Variants in PMM2 observed in about 807,000 individuals in gnomAD.
The protein encoded by PMM2 is phosphomannomutase 2.
A neutral mutation model predicts 33.2 loss-of-function variants in PMM2; 35 were observed. The ratio of observed to expected loss-of-function variants is 1.06; its 90% CI spans 0.81 to 1.40. The LOEUF (loss-of-function observed/expected upper bound fraction) is 1.40. Among genes scored for constraint, PMM2 ranks in the 40% most tolerant of loss-of-function variants. PMM2 has a pLI of 0.00. For synonymous variants in PMM2, 153 were observed against 114.7 expected (o/e 1.33, Z -2.13); for missense variants, 386 against 306.0 (o/e 1.26, Z -1.95).
chr16:8,836,987 G>A (rs2060852750), intron 7 of PMM2, among the ~76,000 whole-genome samples: 1 of 152,076 alleles, frequency 6.6e-6, no homozygotes. Context: ...GGTGTGAGGA[G>A]GGGAGGTGAT....
At position 8,848,124 on chromosome 16, in the gene PMM2, G is replaced by C; in HGVS notation, c.*299G>C. 2 of 390,462 alleles carry C rather than the reference G, an allele frequency of 5.1e-6. No homozygotes were observed. The highest frequency in any genetic ancestry group is 5.5e-5 in the East Asian group (1 of 18,268). The allele number at this position is 390,462 out of a possible 1,614,324, so 24.2% of individuals were successfully genotyped here. The stretch of plus-strand genomic sequence containing the variant: ...TACGTGCAATCATGTAGTTTTGGCG[G>C]AAATTTCCCCATCATTCTAGGATGA... On this transcript the variant is annotated 3_prime_UTR_variant, in exon 8 of 8. Transcript: ENST00000268261.
chr16:8,849,080 C>G lies in PMM2; in HGVS notation c.*1255C>G, dbSNP rs1407960799. 1.3e-5 allele frequency: 2 copies of G among 152,300 alleles called. No individual in the cohort carries two copies. Among genetic ancestry groups the G allele is most frequent in the African/African-American group, 4.8e-5 (2 of 41,450 alleles). The allele number at this position is 152,300 out of a possible 1,614,324, so 9.4% of individuals were successfully genotyped here. On this transcript the variant is annotated 3_prime_UTR_variant, in exon 8 of 8. Coordinates refer to ENST00000268261, the MANE Select transcript of PMM2 (RefSeq NM_000303.3). ...GAGTCTGGGGCCAGGGGAGCCCAGGCTGCCCTGCACTCCTGCCTCCCAGCC... is the reference window on the plus strand; with the variant it reads ...GAGTCTGGGGCCAGGGGAGCCCAGGGTGCCCTGCACTCCTGCCTCCCAGCC...
Position 8,811,675 on chromosome 16 carries a change from GGAAA to G in PMM2, c.488_491del (p.Lys163SerfsTer11), listed in dbSNP as rs2060678732. The G allele has an allele frequency of 6.2e-7, 1 of 1,613,334 alleles. No homozygotes were observed. The highest frequency in any genetic ancestry group is 2.2e-5 in the East Asian group (1 of 44,872). Reference sequence around the variant, plus strand: ...AGACAAAAGTTTGTAGCAGATCTACGGAAAGAGTTTGCTGGAAAAGGCCTCACGT... The same window carrying G: ...AGACAAAAGTTTGTAGCAGATCTACGGAGTTTGCTGGAAAAGGCCTCACGT... On this transcript the variant is annotated frameshift_variant, in exon 6 of 8. Coordinates refer to ENST00000268261, the MANE Select transcript of PMM2 (RefSeq NM_000303.3). LOFTEE classifies it high-confidence loss of function.
At chr16:8,836,483 C>CCTGGGGGAGGAGGTT (rs943286644) in intron 7 of PMM2, among the ~76,000 whole-genome samples, 9 of 152,114 alleles carry the variant, frequency 5.9e-5, no homozygotes, top group Non-Finnish European at 1.2e-4. Flanking sequence ...GTAGCAAGCT[C>CCTGGGGGAGGAGGTT]CTGGGGGAGG....
intron 7 of PMM2, among the ~76,000 whole-genome samples, chr16:8,838,957 A>G (rs1015396744): frequency 1.3e-5 from 2 of 151,960 alleles, no homozygotes; most frequent in Middle Eastern, 3.4e-3. Context: ...TTGGAGGACA[A>G]CTGCAGCTAA....
rs144832117 is a variant in PMM2 at position 8,838,598 on chromosome 16, G to A, written c.640-9126G>A. Among the ~76,000 whole-genome samples, 443 of 152,040 alleles carry A rather than the reference G, an allele frequency of 2.9e-3. 5 individuals are homozygous for A. The highest frequency in any genetic ancestry group is 0.01 in the African/African-American group (415 of 41,496). ...GTCTTGTGGTAAGGGGTGATATTGT[G>A]GGGATGTTAGAAGAAACATTTGTTG... On this transcript the variant is annotated intron_variant, in intron 7 of 7. Coordinates refer to ENST00000268261, the MANE Select transcript of PMM2 (RefSeq NM_000303.3).
chr16:8,800,063 G>C (rs547647270), intron 1 of PMM2, among the ~76,000 whole-genome samples: 7 of 152,166 alleles, frequency 4.6e-5, no homozygotes, highest in African/African-American at 1.7e-4. Context: ...TAAATTTCTA[G>C]TAAAAAGATA....
rs748427371 is a variant in PMM2 at position 8,812,975 on chromosome 16, C to T, written c.524-16C>T. The T allele has an allele frequency of 1.1e-5, 16 of 1,469,200 alleles. No individual in the cohort carries two copies. Among genetic ancestry groups the T allele is most frequent in the Middle Eastern group, 3.4e-4 (2 of 5,862 alleles). The allele number at this position is 1,469,200 out of a possible 1,614,324, so 91.0% of individuals were successfully genotyped here. Reference sequence around the variant, plus strand: ...TTTCACCTTTTGCCTTTGTGTGCCCCGTCCCCACCCGGCAGGAGGCCAGAT... The same window carrying T: ...TTTCACCTTTTGCCTTTGTGTGCCCTGTCCCCACCCGGCAGGAGGCCAGAT... On this transcript the variant is annotated splice_polypyrimidine_tract_variant and intron_variant, in intron 6 of 7. Coordinates refer to ENST00000268261, the MANE Select transcript of PMM2 (RefSeq NM_000303.3).
At chr16:8,800,545 G>A (rs1159940019) in intron 1 of PMM2, among the ~76,000 whole-genome samples, 6 of 151,852 alleles carry the variant, frequency 4.0e-5, no homozygotes, top group Admixed American at 3.9e-4. Flanking sequence ...ATACCACTAA[G>A]ACCACTCTTT....
chr16:8,828,329 A>C (rs2060790318), intron 7 of PMM2, among the ~76,000 whole-genome samples: 1 of 152,126 alleles, frequency 6.6e-6, no homozygotes, highest in African/African-American at 2.4e-5. Flanking sequence ...AGAATCAATA[A>C]ATGGCACACA....
intron 4 of PMM2, 171 bp downstream of exon 4, chr16:8,806,578 C>T (rs553670079): frequency 7.8e-6 from 5 of 643,522 alleles, no homozygotes; most frequent in South Asian, 7.0e-5. Flanking sequence ...AGCCTGAGAG[C>T]CGAGCTTGGA....
At chr16:8,824,459 T>C (rs1184780220) in intron 7 of PMM2, among the ~76,000 whole-genome samples, 1 of 152,242 alleles carries the variant, frequency 6.6e-6, no homozygotes, top group African/African-American at 2.4e-5. Flanking sequence ...ACAGAACAGT[T>C]ATAATTATTA....
intron 7 of PMM2, chr16:8,832,056 A>G: frequency 3.8e-6 from 3 of 785,434 alleles, no homozygotes; most frequent in Non-Finnish European, 4.6e-6. Flanking sequence ...CTCTAGCCTT[A>G]TTATTCTAGA....
chr16:8,798,020 A>G, intron 1 of PMM2, 72 bp downstream of exon 1: 1 of 1,469,202 alleles, frequency 6.8e-7, no homozygotes, highest in Non-Finnish European at 9.3e-7. Flanking sequence ...GCTATCGACC[A>G]CCCAGGGTAG....
At chr16:8,845,827 C>T (rs1329005228) in intron 7 of PMM2, among the ~76,000 whole-genome samples, 1 of 146,634 alleles carries the variant, frequency 6.8e-6, no homozygotes, top group South Asian at 2.1e-4. Context: ...AGAAGAATTA[C>T]TGGAACTAGC....
At chr16:8,836,456 C>T (rs188062980) in intron 7 of PMM2, among the ~76,000 whole-genome samples, 2 of 152,116 alleles carry the variant, frequency 1.3e-5, no homozygotes, top group East Asian at 1.9e-4. Flanking sequence ...GGCCCAGTGG[C>T]CAGATTTCCA....
rs35928064 is a variant in PMM2 at position 8,825,756 on chromosome 16, A to ATTT, written c.639+12665_639+12667dup. Among the ~76,000 whole-genome samples, 262 of 134,198 alleles carry ATTT rather than the reference A, an allele frequency of 2.0e-3. 4 individuals are homozygous for ATTT. In the Middle Eastern group the frequency reaches 0.041, roughly 21 times the overall value. The allele number at this position is 134,198 out of a possible 152,430, so 88.0% of individuals were successfully genotyped here. A position where few individuals can be genotyped will look rare whatever the true frequency, so the allele number is the denominator to read the frequency against. The stretch of plus-strand genomic sequence containing the variant: ...AATCAGTGTTCAAAAATAAAACACT[A>ATTT]TTTTTTTTTTTTTTTTTGAGATGGA... On this transcript the variant is annotated intron_variant, in intron 7 of 7. Coordinates refer to ENST00000268261, the MANE Select transcript of PMM2 (RefSeq NM_000303.3).
chr16:8,816,381 C>T (rs1158336306), intron 7 of PMM2, among the ~76,000 whole-genome samples: 3 of 151,810 alleles, frequency 2.0e-5, no homozygotes, highest in Admixed American at 1.3e-4. Context: ...CCACCTTGAC[C>T]TCCCAAAGTG....
intron 1 of PMM2, among the ~76,000 whole-genome samples, chr16:8,798,690 C>G (rs1046852084): frequency 2.0e-5 from 3 of 152,174 alleles, no homozygotes; most frequent in Non-Finnish European, 4.4e-5. Context: ...GATTTTGCTG[C>G]TACAGGCACA....
Sources: allele counts gnomAD v4.1 joint callset (sites outside exome capture counted in the v4.1 genomes callset), GRCh38; gene constraint gnomAD v4.1.1; transcripts MANE v1.5; gene names NCBI Gene and HGNC (gene_info 2026-07-23, HGNC 2026-07-21).